CREB5: variants seen among roughly 807,000 people sequenced by gnomAD.
The protein encoded by CREB5 is cAMP responsive element binding protein 5, also known as cyclic AMP-responsive element-binding protein 5.
CREB5 carries 19 observed loss-of-function variants against 57.1 expected under a neutral mutation model. The ratio of observed to expected loss-of-function variants is 0.33; its 90% CI spans 0.23 to 0.49. The LOEUF is 0.49. CREB5 is among the 20% of genes least tolerant of loss of function. The pLI is 0.99. For synonymous variants in CREB5, 238 were observed against 238.3 expected, an observed-to-expected ratio of 1.00 and a Z score of 0.01; for missense variants, 579 against 671.6, an observed-to-expected ratio of 0.86 and a Z score of 1.52.
intron 1 of CREB5, among the ~76,000 whole-genome samples, chr7:28,369,492 C>T (rs1786661862): frequency 6.6e-6 from 1 of 152,170 alleles, no homozygotes; most frequent in African/African-American, 2.4e-5. Flanking sequence ...TTCTTTACAT[C>T]CCAGTTTCCT....
At chr7:28,665,362 G>A (rs1355278756) in intron 5 of CREB5, among the ~76,000 whole-genome samples, 1 of 152,116 alleles carries the variant, frequency 6.6e-6, no homozygotes, top group Non-Finnish European at 1.5e-5. Flanking sequence ...ACAACTTGCA[G>A]AAACATCTAC....
Position 28,321,746 on chromosome 7 carries a change from A to C in CREB5, c.-25+22305A>C, listed in dbSNP as rs113577031. Among the ~76,000 whole-genome samples, 501 of 152,302 alleles carry C rather than the reference A, an allele frequency of 3.3e-3. 1 individual carries two copies. The highest frequency in any genetic ancestry group is 6.7e-3 in the Admixed American group (103 of 15,304). ...GGCCCCAAGCCCTAGTGCACACTTC[A>C]TTGTTCCACTGGACTTCACTTAGGA... On this transcript the variant is annotated intron_variant, in intron 1 of 9. Coordinates refer to the CREB5 transcript ENST00000396299.
At chr7:28,790,461 ATAGAGAGAGAG>A (rs1562643049) in intron 7 of CREB5, among the ~76,000 whole-genome samples, 126 of 32,942 alleles carry the variant, frequency 3.8e-3, no homozygotes, top group East Asian at 9.4e-3. Flanking sequence ...AGAGAGAGAG[ATAGAGAGAGAG>A]AGAAAGAAAG....
intron 9 of CREB5, 126 bp from the exon 10 acceptor site, chr7:28,817,945 A>G: frequency 1.6e-6 from 1 of 628,552 alleles, no homozygotes; most frequent in Non-Finnish European, 2.7e-6. Context: ...ACCACATTAA[A>G]TAATATTCTT....
chr7:28,315,668 G>A (rs991750922), intron 1 of CREB5, among the ~76,000 whole-genome samples: 4 of 152,144 alleles, frequency 2.6e-5, no homozygotes, highest in Non-Finnish European at 4.4e-5. Flanking sequence ...TCGTCCCGAC[G>A]CGTTGGAAAA....
At chr7:28,818,014 C>A in intron 9 of CREB5, 57 bp from the exon 10 acceptor site, 1 of 1,332,986 alleles carries the variant, frequency 7.5e-7, no homozygotes, top group Non-Finnish European at 1.1e-6. Context: ...GTGCACAGGG[C>A]TGTGGGTTTG....
chr7:28,402,402 C>T (rs528436504), intron 1 of CREB5, among the ~76,000 whole-genome samples: 78 of 152,278 alleles, frequency 5.1e-4, no homozygotes, highest in Non-Finnish European at 8.4e-4. Context: ...GGAGGCATCA[C>T]GCTACCTGAC....
rs555121605 is a variant in CREB5 at position 28,812,321 on chromosome 7, C to T, written c.1254+2907C>T. Among the ~76,000 whole-genome samples, 20 of 152,294 alleles carry T rather than the reference C, an allele frequency of 1.3e-4. No individual in the cohort carries two copies. In the South Asian group the frequency reaches 3.9e-3, roughly 30 times the overall value. On this transcript the variant is annotated intron_variant, in intron 9 of 10. Coordinates refer to ENST00000357727, the MANE Select transcript of CREB5 (RefSeq NM_182898.4). ...AACATGGAAGGATCATAGCAGAGAG[C>T]CAGGAAAGTAAAGATGTCCACAGAC...
At chr7:28,493,392 C>G (rs1044415476) in intron 2 of CREB5, among the ~76,000 whole-genome samples, 1 of 152,150 alleles carries the variant, frequency 6.6e-6, no homozygotes, top group African/African-American at 2.4e-5. Context: ...ACAAATTACC[C>G]CAAAGCTTCA....
At chr7:28,498,249 A>C (rs1391415543) in intron 3 of CREB5, among the ~76,000 whole-genome samples, 2 of 152,196 alleles carry the variant, frequency 1.3e-5, no homozygotes, top group African/African-American at 4.8e-5. Context: ...GTAAATCAAA[A>C]TATCAGGGTA....
chr7:28,478,694 T>C (rs1791187205), intron 1 of CREB5, among the ~76,000 whole-genome samples: 1 of 152,220 alleles, frequency 6.6e-6, no homozygotes, highest in African/African-American at 2.4e-5. Context: ...GATATATTTG[T>C]ATGTTGGGGC....
At chr7:28,407,745 C>G (rs896661214), upstream of CREB5, among the ~76,000 whole-genome samples, 2 of 152,138 alleles carry the variant, frequency 1.3e-5, no homozygotes, top group African/African-American at 2.4e-5. Flanking sequence ...GGGCAAGGGG[C>G]CACTTAAACA....
chr7:28,582,468 A>G (rs1335877428), intron 5 of CREB5, among the ~76,000 whole-genome samples: 1 of 152,158 alleles, frequency 6.6e-6, no homozygotes, highest in East Asian at 1.9e-4. Context: ...TGTTGCATCA[A>G]CTTCTTTTTA....
rs1355607891 is a variant in CREB5, at chr7:28,480,023, CCT to C, written c.4-8150_4-8149del. On this transcript the variant is annotated intron_variant, in intron 1 of 10. Coordinates refer to ENST00000357727, the MANE Select transcript of CREB5 (RefSeq NM_182898.4). ...ACTTATCTAGAATAAAAATCCAAAA[CCT>C]CCCCCCCCCCACATTATCCAATAAA... Among the ~76,000 whole-genome samples the C allele has an allele frequency of 8.5e-3, 537 of 62,982 alleles. 4 individuals carry two copies. Among genetic ancestry groups the C allele is most frequent in the African/African-American group, 0.039 (468 of 12,098 alleles). The allele number at this position is 62,982 out of a possible 152,430, so 41.3% of individuals were successfully genotyped here.
intron 5 of CREB5, among the ~76,000 whole-genome samples, chr7:28,605,469 C>T (rs1797094217): frequency 6.6e-6 from 1 of 152,200 alleles, no homozygotes; most frequent in South Asian, 2.1e-4. Flanking sequence ...AGTATCCAGT[C>T]TTCCTATTTT....
intron 1 of CREB5, among the ~76,000 whole-genome samples, chr7:28,466,831 T>G (rs1790596990): frequency 6.6e-6 from 1 of 152,242 alleles, no homozygotes; most frequent in South Asian, 2.1e-4. Flanking sequence ...AGTGCTCATA[T>G]GGTTCTGGGC....
chr7:28,435,251 C>G (rs957176567), intron 1 of CREB5, among the ~76,000 whole-genome samples: 33 of 151,988 alleles, frequency 2.2e-4, no homozygotes, highest in Admixed American at 3.3e-4. Flanking sequence ...GAAGGGAACT[C>G]CCTAGGAGGG....
chr7:28,440,404 T>C (rs1789137819), intron 1 of CREB5, among the ~76,000 whole-genome samples: 1 of 152,176 alleles, frequency 6.6e-6, no homozygotes. Context: ...TCCCATTTCC[T>C]TAAATTAAGG....
intron 4 of CREB5, among the ~76,000 whole-genome samples, chr7:28,521,625 T>G (rs141948160): frequency 6.6e-6 from 1 of 152,346 alleles, no homozygotes; most frequent in African/African-American, 2.4e-5. Flanking sequence ...AATCCCTGTA[T>G]TTAATAGATT....
Sources: gnomAD v4.1 joint callset for allele counts (sites outside exome capture counted in the v4.1 genomes callset) on GRCh38, gnomAD v4.1.1 for gene constraint, MANE v1.5 for transcripts, NCBI Gene and HGNC (gene_info 2026-07-23, HGNC 2026-07-21) for gene names.